TRPV1: variants seen among roughly 807,000 people sequenced by gnomAD.
TRPV1 encodes transient receptor potential cation channel subfamily V member 1, also known as OTRPC1.
A neutral mutation model predicts 82.3 loss-of-function variants in TRPV1; 82 were observed. The ratio of observed to expected loss-of-function variants is 1.00; its 90% CI spans 0.83 to 1.20. TRPV1 has a LOEUF of 1.20. TRPV1 is among the 50% of genes most tolerant of loss of function. The pLI is 0.00. For synonymous variants in TRPV1, 515 were observed against 467.7 expected, an observed-to-expected ratio of 1.10 and a Z score of -1.30; for missense variants, 1,067 against 1,096.8, an observed-to-expected ratio of 0.97 and a Z score of 0.38.
chr17:3,604,015 G>A (rs1056263450), intron 2 of TRPV1, among the ~76,000 whole-genome samples: 1 of 152,252 alleles, frequency 6.6e-6, no homozygotes, highest in Admixed American at 6.5e-5. Flanking sequence ...AGGGCACCCT[G>A]TAACAGGCAC....
chr17:3,590,827 G>A (rs2075147220), intron 5 of TRPV1, 137 bp downstream of exon 5: 2 of 1,249,832 alleles, frequency 1.6e-6, no homozygotes, highest in Non-Finnish European at 2.2e-6. Flanking sequence ...GGACCCCCTA[G>A]GATTAGGAGC....
chr17:3,573,871 C>T lies in TRPV1; in HGVS notation c.1865G>A (p.Arg622Lys), dbSNP rs781487428. The T allele has an allele frequency of 2.7e-5, 43 of 1,610,874 alleles. 1 individual carries two copies. The highest frequency in any genetic ancestry group is 1.7e-4 in the Middle Eastern group (1 of 5,962). Residue 622 changes from arginine (R) to lysine (K), a missense_variant, in exon 14 of 17, where the codon AGG becomes AAG. Physicochemically the swap from Arg to Lys is conservative, Grantham distance 26. Transcript: ENST00000572705. The part of the protein sequence containing the change: ...TSHRWRGPAC[R>K]PPDSSYNSLY... ...GCTGTTGTAGGAGCTATCGGGGGGC[C>T]TGCAGGCAGGCCCCCGCCACCTGTG...
rs751873592 is a variant in TRPV1 at position 3,591,334 on chromosome 17, C to G, written c.304G>C (p.Val102Leu). The G allele has an allele frequency of 4.4e-6, 7 of 1,592,344 alleles. No homozygotes were observed. The highest frequency in any genetic ancestry group is 6.0e-6 in the Non-Finnish European group (7 of 1,170,790). Reference protein sequence around the residue: ...TGARLLSQDSVAASTEKTLRL... With the variant: ...TGARLLSQDSLAASTEKTLRL... ...AGGGTCTTCTCGGTGCTGGCGGCGA[C>G]AGAGTCCTGGGACAGCAGCCTGTGG... is the stretch of plus-strand genomic sequence containing the variant. Residue 102 changes from valine (V) to leucine (L), a missense_variant, in exon 4 of 17, where the codon GTC becomes CTC. Physicochemically the swap from Val to Leu is conservative, Grantham distance 32. Transcript: ENST00000572705.
Position 3,592,148 on chromosome 17 carries a change from C to T in TRPV1, c.203G>A (p.Gly68Asp), listed in dbSNP as rs1222998694. The T allele has an allele frequency of 1.2e-6, 2 of 1,613,754 alleles. No individual in the cohort carries two copies. Among genetic ancestry groups the T allele is most frequent in the Non-Finnish European group, 1.7e-6 (2 of 1,179,860 alleles). Reference protein sequence around the residue: ...AFPVDCPHEEGELDSCPTITV... With the variant: ...AFPVDCPHEEDELDSCPTITV... The stretch of plus-strand genomic sequence containing the variant: ...GATGGTCGGGCAGGAGTCCAGCTCA[C>T]CTTCCTCGTGAGGGCAATCCACCGG... The change falls in exon 3 of 17, where the codon GGT becomes GAT. Residue 68 changes from glycine (G) to aspartate (D), a missense_variant. Physicochemically the swap from Gly to Asp is moderately conservative, Grantham distance 94. Transcript: ENST00000572705.
At chr17:3,580,646 T>TAGAACAGTTTGGATGGCCGGGCGCAG in intron 10 of TRPV1, 119 bp from the exon 11 acceptor site, 1 of 1,069,548 alleles carries the variant, frequency 9.3e-7, no homozygotes, top group Non-Finnish European at 1.4e-6. Flanking sequence ...AAAGCACAGA[T>TAGAACAGTTTGGATGGCCGGGCGCAG]TGTGAAAAGA....
rs760285493 is a variant in TRPV1, at chr17:3,583,431, C to T, written c.1384-1G>A. On this transcript the variant is annotated splice_acceptor_variant, in intron 9 of 16. Coordinates refer to ENST00000572705, the MANE Select transcript of TRPV1 (RefSeq NM_080704.4). LOFTEE classifies it high-confidence loss of function. ...CAGTTTTTTCCATCTTAAAGGGAGG[C>T]TGTGAGATGCAGAGAAGTTGGTAAC... is the stretch of plus-strand genomic sequence containing the variant. 3.1e-6 allele frequency: 5 copies of T among 1,595,732 alleles called. No homozygotes were observed. Among genetic ancestry groups the T allele is most frequent in the South Asian group, 1.1e-5 (1 of 87,986 alleles).
intron 16 of TRPV1, among the ~76,000 whole-genome samples, chr17:3,571,250 G>T (rs1001727406): frequency 6.6e-6 from 1 of 152,204 alleles, no homozygotes; most frequent in African/African-American, 2.4e-5. Flanking sequence ...CCCCTGGGGC[G>T]CTGAGGACAG....
At position 3,591,232 on chromosome 17, in the gene TRPV1, A is replaced by G. The variant is rs941225762; in HGVS notation, c.406T>C (p.Phe136Leu). The stretch of plus-strand genomic sequence containing the variant: ...AGGTGCTTCTTGCTCTTCTGCAGGA[A>G]GAGCAGCAGGCTCTCCAGATCCTGG... ...NCQDLESLLL[F>L]LQKSKKHLTD... is the part of the protein sequence containing the mutation. Residue 136 changes from phenylalanine (F) to leucine (L), a missense_variant, in exon 4 of 17, where the codon TTC becomes CTC. Physicochemically the swap from Phe to Leu is conservative, Grantham distance 22 (BLOSUM62 0). Transcript: ENST00000572705. 2 of 1,612,960 alleles carry G rather than the reference A, an allele frequency of 1.2e-6. No individual in the cohort carries two copies. The highest frequency in any genetic ancestry group is 2.7e-5 in the African/African-American group (2 of 74,884).
intron 11 of TRPV1, chr17:3,578,070 T>G (rs996926321): frequency 8.8e-6 from 2 of 228,018 alleles, no homozygotes; most frequent in African/African-American, 4.4e-5. Context: ...TTTGGGAGGC[T>G]GAGGCATGCG....
At chr17:3,597,303 C>T (rs1407042279) in intron 2 of TRPV1, among the ~76,000 whole-genome samples, 1 of 152,202 alleles carries the variant, frequency 6.6e-6, no homozygotes, top group African/African-American at 2.4e-5. Context: ...GAAAGGAGGG[C>T]GCTGCTCGGC....
rs774141049 is a variant in TRPV1 at position 3,590,405 on chromosome 17, C to T, written c.605-13G>A. 32 of 1,611,842 alleles carry T rather than the reference C, an allele frequency of 2.0e-5. No individual in the cohort carries two copies. The highest frequency in any genetic ancestry group is 1.5e-4 in the Admixed American group (9 of 59,618). ...AGTGCTGTCTGGCCTACAGAGGACGCGCACGGTTGGCTTCGTGGTCACGGT... is the reference window on the plus strand; with the variant it reads ...AGTGCTGTCTGGCCTACAGAGGACGTGCACGGTTGGCTTCGTGGTCACGGT... On this transcript the variant is annotated splice_polypyrimidine_tract_variant and intron_variant, in intron 5 of 16. Transcript: ENST00000572705.
In TRPV1 at chr17:3,566,648, C is replaced by T. The variant is rs368331594; in HGVS notation, c.*167G>A. The T allele has an allele frequency of 1.7e-5, 13 of 749,838 alleles. No individual in the cohort carries two copies. In the African/African-American group the frequency reaches 2.3e-4, roughly 13 times the overall value. 46.4% of individuals were successfully genotyped at this position (749,838 alleles called of 1,614,324 possible). ...GGTTGGATGTACATCACTCCCCATG[C>T]TTCCAAGAACGCTTCCCACAGCTTG... On this transcript the variant is annotated 3_prime_UTR_variant, in exon 17 of 17. Transcript: ENST00000572705.
intron 8 of TRPV1, 115 bp downstream of exon 8, chr17:3,588,073 C>T (rs1597537983): frequency 3.5e-5 from 45 of 1,276,488 alleles, no homozygotes; most frequent in Middle Eastern, 2.7e-4. Flanking sequence ...GGCCTGGGCC[C>T]GGGCGCAGCA....
chr17:3,577,545 G>A (rs1597520516), intron 12 of TRPV1, 53 bp downstream of exon 12: 1 of 1,541,394 alleles, frequency 6.5e-7, no homozygotes, highest in East Asian at 2.5e-5. Flanking sequence ...CATCTCACAT[G>A]ACCACGAGGT....
At chr17:3,576,668 A>AAAAAAAAAAATATATATATATATATAT in intron 13 of TRPV1, among the ~76,000 whole-genome samples, 18 of 38,406 alleles carry the variant, frequency 4.7e-4, no homozygotes, top group Non-Finnish European at 6.3e-4. Flanking sequence ...AAAAAAAAAA[A>AAAAAAAAAAATATATATATATATATAT]ATATATATAT....
At chr17:3,575,907 G>A (rs570675849) in intron 13 of TRPV1, among the ~76,000 whole-genome samples, 1 of 152,160 alleles carries the variant, frequency 6.6e-6, no homozygotes, top group South Asian at 2.1e-4. Context: ...AAATGACAAG[G>A]AATGATGCAG....
intron 9 of TRPV1, 74 bp downstream of exon 9, chr17:3,585,694 G>A (rs1242960438): frequency 6.5e-7 from 1 of 1,527,012 alleles, no homozygotes; most frequent in Non-Finnish European, 8.9e-7. Context: ...GGGTCGGGGA[G>A]GTCTCCCGAA....
At chr17:3,572,451 C>T (rs115692556) in intron 14 of TRPV1, among the ~76,000 whole-genome samples, 1,549 of 152,312 alleles carry the variant, frequency 0.01, 19 homozygotes, top group African/African-American at 0.034. Flanking sequence ...CCAGCCAGCC[C>T]AGACCTGTCC....
At chr17:3,597,790 C>T (rs2075232665) in intron 2 of TRPV1, among the ~76,000 whole-genome samples, 1 of 151,464 alleles carries the variant, frequency 6.6e-6, no homozygotes, top group Non-Finnish European at 1.5e-5. Flanking sequence ...TCTCCTGCCT[C>T]AGCCTCCCGA....
Sources: allele counts gnomAD v4.1 joint callset (sites outside exome capture counted in the v4.1 genomes callset), GRCh38; gene constraint gnomAD v4.1.1; transcripts MANE v1.5; gene names NCBI Gene and HGNC (gene_info 2026-07-23, HGNC 2026-07-21).